The following ARHGEF18 variants were observed in gnomAD, a reference collection of about 807,000 sequenced individuals.
The protein encoded by ARHGEF18 is rho guanine nucleotide exchange factor 18.
A neutral mutation model predicts 155.7 loss-of-function variants in ARHGEF18; 93 were observed. The ratio of observed to expected loss-of-function variants is 0.60; its 90% CI spans 0.50 to 0.71. The LOEUF is 0.71. Among genes scored for constraint, ARHGEF18 ranks in the 30% least tolerant of loss-of-function variants. The pLI is 0.00. For synonymous variants in ARHGEF18, 742 were observed against 753.1 expected (o/e 0.99, Z 0.24); for missense variants, 1,593 against 1,816.1 (o/e 0.88, Z 2.23).
chr19:7,378,684 CTTT>C lies in ARHGEF18; in HGVS notation c.599+257_599+259del, dbSNP rs548305968. Among the ~76,000 whole-genome samples the C allele has an allele frequency of 4.2e-3, 372 of 88,120 alleles. 12 individuals are homozygous for C. Among genetic ancestry groups the C allele is most frequent in the African/African-American group, 0.018 (360 of 19,462 alleles). The allele number at this position is 88,120 out of a possible 152,430, so 57.8% of individuals were successfully genotyped here. On this transcript the variant is annotated intron_variant, in intron 6 of 28. Coordinates refer to ENST00000668164, the MANE Select transcript of ARHGEF18 (RefSeq NM_001367823.1). ...ATGTAGCCTTGGGAGACAATTGTGGCTTTTTTTTTTTTTTTTTTTTTTTTTTGA... is the reference window on the plus strand; with the variant it reads ...ATGTAGCCTTGGGAGACAATTGTGGCTTTTTTTTTTTTTTTTTTTTTTTGA...
intron 17 of ARHGEF18, among the ~76,000 whole-genome samples, chr19:7,454,968 G>A (rs866160894): frequency 1.3e-4 from 20 of 152,104 alleles, no homozygotes; most frequent in Non-Finnish European, 2.2e-4. Flanking sequence ...GGTGTGCTCC[G>A]AGCCCTACTT....
chr19:7,402,614 T>C (rs1183141979), intron 10 of ARHGEF18, among the ~76,000 whole-genome samples: 3 of 151,998 alleles, frequency 2.0e-5, no homozygotes, highest in African/African-American at 7.3e-5. Flanking sequence ...TGGGACAGAA[T>C]TTTAAGGAAT....
chr19:7,409,969 T>A (rs1421413616), intron 10 of ARHGEF18, among the ~76,000 whole-genome samples: 6 of 129,760 alleles, frequency 4.6e-5, no homozygotes, highest in East Asian at 2.2e-4. Context: ...TTTTTTTTTT[T>A]AGCAGAGATG....
rs888280510 is a variant in ARHGEF18 at position 7,471,308 on chromosome 19, C to T, written c.*1010C>T. ...ACAAGTGGCCGCTGTGCGGGCCCCTCGCTTGTAGTGAGCTGTTGCAGCTTA... is the reference window on the plus strand; with the variant it reads ...ACAAGTGGCCGCTGTGCGGGCCCCTTGCTTGTAGTGAGCTGTTGCAGCTTA... On this transcript the variant is annotated 3_prime_UTR_variant, in exon 29 of 29. Coordinates refer to ENST00000668164, the MANE Select transcript of ARHGEF18 (RefSeq NM_001367823.1). This position sits in a 1 kb window ranked among gnomAD's most constrained non-coding sequence, Gnocchi z 4.4. The T allele has an allele frequency of 1.3e-5, 2 of 153,242 alleles. No homozygotes were observed. The highest frequency in any genetic ancestry group is 4.8e-5 in the African/African-American group (2 of 41,480). 9.5% of individuals were successfully genotyped at this position (153,242 alleles called of 1,614,324 possible).
intron 10 of ARHGEF18, among the ~76,000 whole-genome samples, chr19:7,393,047 CAAAAAAAAAAAAAAA>C (rs60015151): frequency 3.5e-5 from 2 of 56,684 alleles, no homozygotes; most frequent in Non-Finnish European, 6.9e-5. Context: ...GATCCTGTCT[CAAAAAAAAAAAAAAA>C]AAAAAAAAAA....
At chr19:7,427,305 G>A (rs1037768247) in intron 10 of ARHGEF18, among the ~76,000 whole-genome samples, 2 of 152,152 alleles carry the variant, frequency 1.3e-5, no homozygotes, top group Non-Finnish European at 1.5e-5. Context: ...CTGGAGGGGG[G>A]ATGTCTGTGG....
At chr19:7,418,794 A>T (rs898499887) in intron 10 of ARHGEF18, among the ~76,000 whole-genome samples, 1 of 151,922 alleles carries the variant, frequency 6.6e-6, no homozygotes, top group African/African-American at 2.4e-5. Context: ...AGGGGGAGAG[A>T]GGGAGGAGAG....
At chr19:7,477,240 C>T, downstream of ARHGEF18, 1 of 1,548,324 alleles carries the variant, frequency 6.5e-7, no homozygotes. Flanking sequence ...CCGGCCCGGG[C>T]CGCCTGGTAC....
chr19:7,378,724 A>G (rs1404514182), intron 6 of ARHGEF18, among the ~76,000 whole-genome samples: 12 of 113,648 alleles, frequency 1.1e-4, no homozygotes, highest in African/African-American at 4.0e-4. Flanking sequence ...ATAGGGTCTC[A>G]CTCTGTCACC....
intron 17 of ARHGEF18, among the ~76,000 whole-genome samples, chr19:7,454,990 G>T (rs891239112): frequency 6.6e-6 from 1 of 152,178 alleles, no homozygotes; most frequent in African/African-American, 2.4e-5. Flanking sequence ...CAAGACCCAT[G>T]TTGCAGTTCA....
Position 7,451,280 on chromosome 19 carries a change from C to G in ARHGEF18, c.1855+14C>G. On this transcript the variant is annotated intron_variant, in intron 16 of 28. Transcript: ENST00000668164. ...AGAACACGGAAGGTAGGCCTTCTCC[C>G]CACTGCCCCGCCCGCCCGTGCTGCT... 6.2e-6 allele frequency: 10 copies of G among 1,611,300 alleles called. No homozygotes were observed. Among genetic ancestry groups the G allele is most frequent in the Non-Finnish European group, 8.5e-6 (10 of 1,178,204 alleles).
Position 7,395,300 on chromosome 19 carries a change from C to T in ARHGEF18, c.967+12097C>T, listed in dbSNP as rs895666465. The T allele has an allele frequency of 3.0e-6, 3 of 985,666 alleles. No individual in the cohort carries two copies. Among genetic ancestry groups the T allele is most frequent in the Non-Finnish European group, 3.6e-6 (3 of 830,232 alleles). The allele number at this position is 985,666 out of a possible 1,614,324, so 61.1% of individuals were successfully genotyped here. A position where few individuals can be genotyped will look rare whatever the true frequency, so the allele number is the denominator to read the frequency against. Reference sequence around the variant, plus strand: ...GGAAAACGGGGCTCAGGAGGGGGCCCTCGGTCTCTTCAGGGGGTGGCCTGG... The same window carrying T: ...GGAAAACGGGGCTCAGGAGGGGGCCTTCGGTCTCTTCAGGGGGTGGCCTGG... On this transcript the variant is annotated intron_variant, in intron 10 of 28. Transcript: ENST00000668164. The surrounding 1 kb of genome is among the most constrained non-coding windows in gnomAD (Gnocchi z 5.0).
intron 10 of ARHGEF18, among the ~76,000 whole-genome samples, chr19:7,426,749 T>C (rs1973690363): frequency 6.6e-6 from 1 of 152,158 alleles, no homozygotes; most frequent in South Asian, 2.1e-4. Context: ...AGGATGTGGA[T>C]ATTTCCAGCT....
intron 10 of ARHGEF18, among the ~76,000 whole-genome samples, chr19:7,391,732 G>C (rs914949071): frequency 2.6e-5 from 4 of 151,994 alleles, no homozygotes; most frequent in African/African-American, 9.7e-5. Context: ...ACATCTGGAG[G>C]CATTTTTTTC....
chr19:7,383,496 G>C (rs773957994), intron 10 of ARHGEF18: 7 of 397,642 alleles, frequency 1.8e-5, no homozygotes, highest in Non-Finnish European at 2.2e-5. Context: ...TCATGACAAA[G>C]TACCATGCAC....
chr19:7,462,078 G>T lies in ARHGEF18; in HGVS notation c.2453-74G>T, dbSNP rs998672428. The T allele has an allele frequency of 5.0e-6, 8 of 1,593,656 alleles. No individual in the cohort carries two copies. Among genetic ancestry groups the T allele is most frequent in the African/African-American group, 1.3e-5 (1 of 74,586 alleles). On this transcript the variant is annotated intron_variant, in intron 20 of 28. Coordinates refer to ENST00000668164, the MANE Select transcript of ARHGEF18 (RefSeq NM_001367823.1). The surrounding 1 kb of genome is among the most constrained non-coding windows in gnomAD (Gnocchi z 4.4). ...GGCCAGCGGGGTTCCTCATCCTTAG[G>T]CCAGTCCCCGGGGCTCAGATGATTC... is the stretch of plus-strand genomic sequence containing the variant.
intron 7 of ARHGEF18, among the ~76,000 whole-genome samples, chr19:7,380,687 TA>T (rs1970694782): frequency 1.3e-5 from 2 of 151,574 alleles, no homozygotes; most frequent in East Asian, 1.9e-4. Flanking sequence ...CCATCTCTAT[TA>T]AAAAAGAAAA....
chr19:7,418,464 A>C (rs1346848396), intron 10 of ARHGEF18, among the ~76,000 whole-genome samples: 1 of 151,908 alleles, frequency 6.6e-6, no homozygotes, highest in African/African-American at 2.4e-5. Flanking sequence ...AATGTTACCC[A>C]GACTGGTCTC....
Position 7,419,135 on chromosome 19 carries a change from G to A in ARHGEF18, c.968-21209G>A, listed in dbSNP as rs367723270. 5.0e-5 allele frequency among the ~76,000 whole-genome samples: 7 copies of A among 139,634 alleles called. 1 individual carries two copies. Among genetic ancestry groups the A allele is most frequent in the African/African-American group, 9.0e-5 (3 of 33,476 alleles). The allele number at this position is 139,634 out of a possible 152,430, so 91.6% of individuals were successfully genotyped here. ...CTGTACCCCAGATGTACCCACACTC[G>A]GCCTCTGTACCCCAGATGTACCCAC... On this transcript the variant is annotated intron_variant, in intron 10 of 28. Coordinates refer to ENST00000668164, the MANE Select transcript of ARHGEF18 (RefSeq NM_001367823.1).
Sources: gnomAD v4.1 joint callset for allele counts (sites outside exome capture counted in the v4.1 genomes callset) on GRCh38, gnomAD v4.1.1 for gene constraint, Gnocchi (gnomAD v3.1) non-coding constraint, MANE v1.5 for transcripts, NCBI Gene and HGNC (gene_info 2026-07-23, HGNC 2026-07-21) for gene names.